Variants in NXN observed in about 807,000 individuals in gnomAD.
NXN encodes the protein nucleoredoxin, also known as nucleoredoxin 1.
NXN carries 16 observed loss-of-function variants against 48.6 expected under a neutral mutation model. The ratio of observed to expected loss-of-function variants is 0.33; its 90% CI spans 0.22 to 0.50. The LOEUF is 0.50. Ranked by LOEUF, NXN falls within the 20% of genes least tolerant of loss-of-function variation. The pLI, the probability that NXN is intolerant of heterozygous loss-of-function variation, is 0.98. For synonymous variants in NXN, 281 were observed against 269.6 expected, an observed-to-expected ratio of 1.04 and a Z score of -0.41; for missense variants, 492 against 605.5, an observed-to-expected ratio of 0.81 and a Z score of 1.97.
At chr17:835,132 C>T (rs542715396) in intron 1 of NXN, among the ~76,000 whole-genome samples, 1,593 of 151,286 alleles carry the variant, frequency 0.011, 26 homozygotes, top group Middle Eastern at 0.024. Context: ...CATGGTGAAA[C>T]CCTGTCTCTA....
At chr17:864,244 T>A in intron 1 of NXN, 1 of 1,201,108 alleles carries the variant, frequency 8.3e-7, no homozygotes, top group Non-Finnish European at 1.2e-6. Flanking sequence ...AACTTTTCTG[T>A]AGGTCTGAAA....
intron 1 of NXN, among the ~76,000 whole-genome samples, chr17:914,990 A>G (rs376791707): frequency 6.6e-5 from 10 of 151,808 alleles, no homozygotes; most frequent in African/African-American, 2.4e-4. Flanking sequence ...GCTGGAGTGC[A>G]GTGGTGCGAT....
rs557974496 is a variant in NXN, at chr17:954,254, G to A, written c.360+25065C>T. ...AACTTAGCCAGGTGTGGTGGTGCACGTCTGTAGTCCCAGCTACTCAAGAGG... is the reference window on the plus strand; with the variant it reads ...AACTTAGCCAGGTGTGGTGGTGCACATCTGTAGTCCCAGCTACTCAAGAGG... On this transcript the variant is annotated intron_variant, in intron 1 of 7. Coordinates refer to ENST00000336868, the MANE Select transcript of NXN (RefSeq NM_022463.5). Among the ~76,000 whole-genome samples, 9 of 152,176 alleles carry A rather than the reference G, an allele frequency of 5.9e-5. No individual in the cohort carries two copies. The South Asian group carries it at 6.2e-4, about 11-fold the overall frequency.
chr17:856,395 C>A (rs1432741720), intron 1 of NXN, among the ~76,000 whole-genome samples: 1 of 151,932 alleles, frequency 6.6e-6, no homozygotes, highest in African/African-American at 2.4e-5. Context: ...ATGTCTTCCG[C>A]TAGGAGATGA....
chr17:853,752 T>C (rs12949122), intron 1 of NXN, among the ~76,000 whole-genome samples: 4,702 of 144,322 alleles, frequency 0.033, 217 homozygotes, highest in East Asian at 0.24. Context: ...AGACGGAGTC[T>C]CACTCTGTCG....
intron 1 of NXN, among the ~76,000 whole-genome samples, chr17:878,551 C>T (rs1011271153): frequency 7.4e-5 from 11 of 149,056 alleles, no homozygotes; most frequent in Non-Finnish European, 1.5e-4. Context: ...TTGAAGTCCA[C>T]GCCAGGGAGT....
chr17:857,291 C>T (rs754300155), intron 1 of NXN, among the ~76,000 whole-genome samples: 19 of 151,916 alleles, frequency 1.3e-4, no homozygotes, highest in Admixed American at 6.6e-4. Context: ...GACGGAGTCT[C>T]GCTCTGTCGC....
intron 5 of NXN, among the ~76,000 whole-genome samples, chr17:815,598 G>C (rs12942001): frequency 1.4e-5 from 2 of 143,154 alleles, no homozygotes; most frequent in African/African-American, 2.6e-5. Flanking sequence ...TGATGAGGGC[G>C]AGTGTCCACT....
intron 1 of NXN, among the ~76,000 whole-genome samples, chr17:842,029 AGGAGG>A (rs1390955392): frequency 3.3e-5 from 5 of 152,102 alleles, no homozygotes; most frequent in Non-Finnish European, 7.4e-5. Flanking sequence ...CCAGCAACTC[AGGAGG>A]CTGCGGCAGG....
chr17:873,498 A>G lies in NXN; in HGVS notation c.361-47420T>C, dbSNP rs189205064. Among the ~76,000 whole-genome samples, 108 of 151,136 alleles carry G rather than the reference A, an allele frequency of 7.1e-4. 4 individuals are homozygous for G. In the East Asian group the frequency reaches 0.02, roughly 28 times the overall value. ...GGAGACAGAGACACTGTCTCCAAAA[A>G]AAAAAAAAAAAAGGAGTCTCCGTCT... On this transcript the variant is annotated intron_variant, in intron 1 of 7. Transcript: ENST00000336868.
rs1228677387 is a variant in NXN at position 932,299 on chromosome 17, C to T, written c.360+47020G>A. On this transcript the variant is annotated intron_variant, in intron 1 of 7. Coordinates refer to ENST00000336868, the MANE Select transcript of NXN (RefSeq NM_022463.5). The surrounding 1 kb of genome is among the most constrained non-coding windows in gnomAD (Gnocchi z 4.1). ...GGTCCTAGGCGGCGGTTCTTAAACT[C>T]TGGTCCCTGGACGTACGGCTTCCGG... Among the ~76,000 whole-genome samples, 1 of 152,200 alleles carries T rather than the reference C, an allele frequency of 6.6e-6. No individual in the cohort carries two copies.
intron 1 of NXN, among the ~76,000 whole-genome samples, chr17:952,150 T>C (rs922627613): frequency 1.0e-4 from 15 of 149,508 alleles, no homozygotes; most frequent in African/African-American, 3.5e-4. Flanking sequence ...CCACAGGAGG[T>C]TGCAGAAAAT....
intron 1 of NXN, among the ~76,000 whole-genome samples, chr17:843,151 G>C (rs1914475375): frequency 6.6e-6 from 1 of 152,034 alleles, no homozygotes; most frequent in Non-Finnish European, 1.5e-5. Flanking sequence ...CGAATGAAGA[G>C]ACAAACACAC....
At chr17:897,639 C>T (rs1328189231) in intron 1 of NXN, among the ~76,000 whole-genome samples, 2 of 152,158 alleles carry the variant, frequency 1.3e-5, no homozygotes, top group African/African-American at 4.8e-5. Context: ...GTGCTGTCAA[C>T]TCTGTGTTAA....
At chr17:960,669 G>C (rs539381281) in intron 1 of NXN, among the ~76,000 whole-genome samples, 28 of 152,076 alleles carry the variant, frequency 1.8e-4, no homozygotes, top group Non-Finnish European at 3.8e-4. Context: ...GCAGAAACAA[G>C]GTCTTGCTAT....
intron 5 of NXN, among the ~76,000 whole-genome samples, chr17:818,414 C>T (rs1912608509): frequency 6.6e-6 from 1 of 151,996 alleles, no homozygotes; most frequent in African/African-American, 2.4e-5. Context: ...ATTCATGCTC[C>T]CAACAATTCT....
intron 7 of NXN, among the ~76,000 whole-genome samples, chr17:801,599 C>T (rs528801670): frequency 5.9e-5 from 9 of 152,024 alleles, no homozygotes; most frequent in South Asian, 2.1e-4. Flanking sequence ...GCGCCCACCA[C>T]GCCCGGCTAA....
At chr17:954,873 A>G (rs770679327) in intron 1 of NXN, among the ~76,000 whole-genome samples, 5 of 152,216 alleles carry the variant, frequency 3.3e-5, no homozygotes, top group Non-Finnish European at 7.3e-5. Flanking sequence ...TACATTGCAC[A>G]TATTTCAGCG....
intron 1 of NXN, among the ~76,000 whole-genome samples, chr17:874,284 T>C (rs2068190869): frequency 6.6e-6 from 1 of 152,198 alleles, no homozygotes; most frequent in South Asian, 2.1e-4. Flanking sequence ...TTAAACCTCT[T>C]TCCTTTATAA....
Sources: gnomAD v4.1 joint callset for allele counts (sites outside exome capture counted in the v4.1 genomes callset) on GRCh38, gnomAD v4.1.1 for gene constraint, Gnocchi (gnomAD v3.1) non-coding constraint, MANE v1.5 for transcripts, NCBI Gene and HGNC (gene_info 2026-07-23, HGNC 2026-07-21) for gene names.